The following NPAS3 variants were observed in gnomAD, a reference collection of about 807,000 sequenced individuals.
NPAS3 encodes the protein neuronal PAS domain-containing protein 3.
NPAS3 carries 14 observed loss-of-function variants against 73.1 expected under a neutral mutation model. That is an observed-to-expected ratio of 0.19 (90% CI 0.13 to 0.30). The LOEUF (loss-of-function observed/expected upper bound fraction) is 0.30, where lower values mean the gene tolerates loss of function less well. NPAS3 is among the 10% of genes least tolerant of loss of function. The probability of loss-of-function intolerance (pLI) is 1.00; values close to 1 mark genes in which losing one functional copy is unlikely to be tolerated. For synonymous variants in NPAS3, 620 were observed against 541.5 expected (o/e 1.14, Z -2.01); for missense variants, 1,096 against 1,250.0 (o/e 0.88, Z 1.86).
At chr14:33,699,981 T>C (rs911298569) in intron 6 of NPAS3, among the ~76,000 whole-genome samples, 3 of 152,208 alleles carry the variant, frequency 2.0e-5, no homozygotes, top group Admixed American at 2.0e-4. Context: ...AGAAGGGATA[T>C]GCTTACTGTA....
intron 1 of NPAS3, among the ~76,000 whole-genome samples, chr14:32,989,994 G>T (rs958555587): frequency 3.9e-5 from 6 of 152,178 alleles, no homozygotes; most frequent in Non-Finnish European, 8.8e-5. Flanking sequence ...AAACTAATTA[G>T]TGAATGGATA....
chr14:32,981,309 A>G (rs2037887252), intron 1 of NPAS3, among the ~76,000 whole-genome samples: 1 of 152,220 alleles, frequency 6.6e-6, no homozygotes, highest in South Asian at 2.1e-4. Context: ...ACAATAATTC[A>G]TATTTTGCAT....
intron 8 of NPAS3, among the ~76,000 whole-genome samples, chr14:33,776,518 T>C (rs2062820258): frequency 1.1e-5 from 1 of 90,992 alleles, no homozygotes; most frequent in Non-Finnish European, 2.0e-5. Flanking sequence ...TTTTTCTTCC[T>C]CTTAAAAAAA....
intron 4 of NPAS3, among the ~76,000 whole-genome samples, chr14:33,546,474 A>C (rs1185052559): frequency 1.3e-5 from 2 of 152,184 alleles, no homozygotes; most frequent in East Asian, 1.9e-4. Context: ...AACTCCCTAC[A>C]TCTACCATTT....
intron 3 of NPAS3, among the ~76,000 whole-genome samples, chr14:33,364,368 A>G (rs17100816): frequency 6.6e-6 from 1 of 152,182 alleles, no homozygotes; most frequent in Non-Finnish European, 1.5e-5. Context: ...TAAGAAGTAC[A>G]TTTTTAACAT....
intron 4 of NPAS3, among the ~76,000 whole-genome samples, chr14:33,395,543 T>TATAC (rs915630455): frequency 1.3e-5 from 2 of 152,090 alleles, no homozygotes; most frequent in South Asian, 2.1e-4. Context: ...TATGTGCACG[T>TATAC]ATACATACAT....
chr14:33,772,518 G>A lies in NPAS3; in HGVS notation c.853-1819G>A, dbSNP rs147523416. 3.7e-4 allele frequency among the ~76,000 whole-genome samples: 56 copies of A among 152,270 alleles called. No homozygotes were observed. The East Asian group carries it at 8.5e-3, about 23-fold the overall frequency. ...TGCTTTGGAATAGAATACCAAGTGG[G>A]GATTTATTTAGCATATCATTTCTGG... On this transcript the variant is annotated intron_variant, in intron 7 of 11. Coordinates refer to ENST00000356141, the Ensembl canonical transcript of NPAS3.
At chr14:33,481,872 T>C (rs1276324375) in intron 4 of NPAS3, among the ~76,000 whole-genome samples, 1 of 152,106 alleles carries the variant, frequency 6.6e-6, no homozygotes, top group African/African-American at 2.4e-5. Flanking sequence ...CCCATGGGCA[T>C]ATTTTTAACA....
intron 7 of NPAS3, among the ~76,000 whole-genome samples, chr14:33,741,249 GA>G (rs1320957021): frequency 6.6e-6 from 1 of 152,160 alleles, no homozygotes; most frequent in Admixed American, 6.5e-5. Flanking sequence ...GTGTTGTCGT[GA>G]AATGATGACT....
intron 3 of NPAS3, among the ~76,000 whole-genome samples, chr14:33,245,428 C>G (rs965029858): frequency 6.6e-6 from 1 of 152,134 alleles, no homozygotes; most frequent in African/African-American, 2.4e-5. Flanking sequence ...ACTTATATGA[C>G]GTAGGGTTCT....
chr14:33,333,083 G>GGC, intron 3 of NPAS3, among the ~76,000 whole-genome samples: 1 of 152,226 alleles, frequency 6.6e-6, no homozygotes, highest in Non-Finnish European at 1.5e-5. Flanking sequence ...AGTCCTGGTT[G>GGC]AAGACAGAAA....
At chr14:33,081,824 C>A (rs550239186) in intron 2 of NPAS3, among the ~76,000 whole-genome samples, 1 of 152,282 alleles carries the variant, frequency 6.6e-6, no homozygotes, top group African/African-American at 2.4e-5. Flanking sequence ...TATTGAACCA[C>A]TTTGTATGAC....
At chr14:33,656,228 G>C (rs1002243239) in intron 5 of NPAS3, among the ~76,000 whole-genome samples, 1 of 152,196 alleles carries the variant, frequency 6.6e-6, no homozygotes, top group African/African-American at 2.4e-5. Flanking sequence ...TGTGCTAACT[G>C]TGTGGCATGT....
intron 5 of NPAS3, among the ~76,000 whole-genome samples, chr14:33,657,223 C>T (rs2059169218): frequency 6.6e-6 from 1 of 152,166 alleles, no homozygotes; most frequent in Admixed American, 6.5e-5. Flanking sequence ...TAACAAGCCC[C>T]TAAAGTTCTG....
chr14:33,052,535 C>G (rs2040746847), intron 1 of NPAS3, among the ~76,000 whole-genome samples: 2 of 152,198 alleles, frequency 1.3e-5, no homozygotes, highest in Admixed American at 1.3e-4. Flanking sequence ...AGCGCTTATG[C>G]TTAATAACTA....
chr14:32,953,795 G>A (rs1022604658), intron 1 of NPAS3, among the ~76,000 whole-genome samples: 16 of 152,150 alleles, frequency 1.1e-4, no homozygotes, highest in African/African-American at 3.1e-4. Flanking sequence ...AGTGCAGTAG[G>A]TTGTGTTACA....
At chr14:33,411,311 T>C (rs1942980857) in intron 4 of NPAS3, among the ~76,000 whole-genome samples, 1 of 152,168 alleles carries the variant, frequency 6.6e-6, no homozygotes, top group Non-Finnish European at 1.5e-5. Context: ...GCCTCCCAAG[T>C]GGCTGGGATT....
At chr14:33,409,633 G>C (rs1192121792) in intron 4 of NPAS3, among the ~76,000 whole-genome samples, 1 of 152,158 alleles carries the variant, frequency 6.6e-6, no homozygotes, top group Non-Finnish European at 1.5e-5. Flanking sequence ...AGCTTAATTT[G>C]AGAGTAGAAA....
At chr14:32,966,155 C>G (rs1159411566) in intron 1 of NPAS3, among the ~76,000 whole-genome samples, 1 of 152,048 alleles carries the variant, frequency 6.6e-6, no homozygotes, top group African/African-American at 2.4e-5. Flanking sequence ...AGTGCAATAC[C>G]TATAGAAATA....
Sources: gnomAD v4.1 joint callset for allele counts (sites outside exome capture counted in the v4.1 genomes callset) on GRCh38, gnomAD v4.1.1 for gene constraint, MANE v1.5 for transcripts, NCBI Gene and HGNC (gene_info 2026-07-23, HGNC 2026-07-21) for gene names.